Variants in SLC14A1 observed in about 807,000 individuals in gnomAD.
SLC14A1 encodes the protein urea transporter 1.
A neutral mutation model predicts 39.6 loss-of-function variants in SLC14A1; 36 were observed. That is an observed-to-expected ratio of 0.91 (90% CI 0.70 to 1.20). The LOEUF is 1.20. Among genes scored for constraint, SLC14A1 ranks in the 50% most tolerant of loss-of-function variants. The pLI, the probability that SLC14A1 is intolerant of heterozygous loss-of-function variation, is 0.00. For synonymous variants in SLC14A1, 164 were observed against 173.6 expected, an observed-to-expected ratio of 0.94 and a Z score of 0.43; for missense variants, 469 against 478.7, an observed-to-expected ratio of 0.98 and a Z score of 0.19.
intron 2 of SLC14A1, chr18:45,727,020 C>T (rs1285206417): frequency 1.7e-5 from 7 of 423,060 alleles, no homozygotes; most frequent in Non-Finnish European, 3.0e-5. Context: ...TTTTTTTAAG[C>T]AAAGTAAATG....
In SLC14A1 at chr18:45,751,595, T is replaced by C. The variant is rs1056526835; in HGVS notation, c.*1644T>C. The C allele has an allele frequency of 2.1e-5, 16 of 756,388 alleles. No homozygotes were observed. The highest frequency in any genetic ancestry group is 2.1e-5 in the Non-Finnish European group (13 of 621,882). The allele number at this position is 756,388 out of a possible 1,614,324, so 46.9% of individuals were successfully genotyped here. ...GAGTTCAAGACCAGCTTGGGCAACA[T>C]AGCAAGACTCCATCTCTTAAAAAAT... On this transcript the variant is annotated 3_prime_UTR_variant, in exon 10 of 10. Transcript: ENST00000321925.
intron 5 of SLC14A1, among the ~76,000 whole-genome samples, chr18:45,734,613 GT>G: frequency 6.6e-6 from 1 of 152,178 alleles, no homozygotes; most frequent in East Asian, 1.9e-4. Context: ...GGTGGTTCTT[GT>G]TTGTAGTCCA....
intron 8 of SLC14A1, among the ~76,000 whole-genome samples, chr18:45,741,644 A>G (rs1222035991): frequency 1.3e-5 from 2 of 152,222 alleles, no homozygotes; most frequent in Non-Finnish European, 2.9e-5. Context: ...TTACTCAGCT[A>G]TTTCACCTAG....
At chr18:45,748,341 A>G in intron 8 of SLC14A1, 35 bp from the exon 9 acceptor site, 1 of 1,611,344 alleles carries the variant, frequency 6.2e-7, no homozygotes, top group Non-Finnish European at 8.5e-7. Flanking sequence ...TGCATCTACG[A>G]AGCATTGTTC....
chr18:45,742,166 A>G (rs2047394681), intron 8 of SLC14A1, among the ~76,000 whole-genome samples: 1 of 152,100 alleles, frequency 6.6e-6, no homozygotes, highest in African/African-American at 2.4e-5. Flanking sequence ...ACCTCCAGGA[A>G]GAAGGGGGCT....
chr18:45,750,728 C>CCTATT lies in SLC14A1; in HGVS notation c.*777_*778insCTATT. 2 of 984,896 alleles carry CCTATT rather than the reference C, an allele frequency of 2.0e-6. No homozygotes were observed. The highest frequency in any genetic ancestry group is 4.7e-5 in the South Asian group (1 of 21,276). The allele number at this position is 984,896 out of a possible 1,614,324, so 61.0% of individuals were successfully genotyped here. On this transcript the variant is annotated 3_prime_UTR_variant, in exon 10 of 10. Coordinates refer to ENST00000321925, the MANE Select transcript of SLC14A1 (RefSeq NM_015865.7). The stretch of plus-strand genomic sequence containing the variant: ...GAGATAAAATAGGAGAAGTTCCTGG[C>CCTATT]TTAACCTGTTCTTACATATTAAAGA...
intron 8 of SLC14A1, among the ~76,000 whole-genome samples, chr18:45,741,733 G>A (rs554970698): frequency 6.6e-6 from 1 of 152,296 alleles, no homozygotes; most frequent in East Asian, 1.9e-4. Flanking sequence ...AGGTGCTGTA[G>A]CCACCTGAGT....
At position 45,730,371 on chromosome 18, in the gene SLC14A1, G is replaced by A. The variant is rs1346932044; in HGVS notation, c.51G>A (p.Arg17=). ...GAGTGGACAGCCCCACTATGGTTAG[G>A]GGTGAAAACCAGGTTTCGCCATGTC... ...MVRVDSPTMV[R]GENQVSPCQG... is the part of the protein sequence containing the mutation. The change falls in exon 3 of 10, where the codon AGG becomes AGA. Residue 17 remains arginine, a synonymous_variant. Coordinates refer to ENST00000321925, the MANE Select transcript of SLC14A1 (RefSeq NM_015865.7). The A allele has an allele frequency of 6.2e-7, 1 of 1,614,146 alleles. No homozygotes were observed. The highest frequency in any genetic ancestry group is 2.2e-5 in the East Asian group (1 of 44,876).
In SLC14A1 at chr18:45,750,068, G is replaced by A. The variant is rs987286335; in HGVS notation, c.*117G>A. ...CGAGTATCAACTTTCATACTGACGC[G>A]TCTGTAATCTGTTCTTATGCTCATT... On this transcript the variant is annotated 3_prime_UTR_variant, in exon 10 of 10. Transcript: ENST00000321925. 1.3e-5 allele frequency: 21 copies of A among 1,600,496 alleles called. No individual in the cohort carries two copies. Among genetic ancestry groups the A allele is most frequent in the African/African-American group, 1.1e-4 (8 of 74,658 alleles).
Position 45,749,891 on chromosome 18 carries a change from T to G in SLC14A1, c.1110T>G (p.Pro370=). Residue 370 remains proline, a synonymous_variant, in exon 10 of 10, where the codon CCT becomes CCG. Coordinates refer to ENST00000321925, the MANE Select transcript of SLC14A1 (RefSeq NM_015865.7). ...TGCCCCTCAGTAAAGTTACTTATCC[T>G]GAAGAAAACCGCATCTTCTACCTGC... ...YKMPLSKVTY[P]EENRIFYLQA... The G allele has an allele frequency of 6.2e-7, 1 of 1,614,152 alleles. No homozygotes were observed. Among genetic ancestry groups the G allele is most frequent in the African/African-American group, 1.3e-5 (1 of 75,040 alleles).
chr18:45,727,773 G>GC (rs2144737523), intron 2 of SLC14A1, among the ~76,000 whole-genome samples: 1 of 152,320 alleles, frequency 6.6e-6, no homozygotes, highest in East Asian at 1.9e-4. Flanking sequence ...GAAGGTCCTG[G>GC]CTGCATAGCC....
intron 4 of SLC14A1, among the ~76,000 whole-genome samples, chr18:45,733,873 A>C (rs151057003): frequency 3.3e-4 from 50 of 152,328 alleles, no homozygotes; most frequent in South Asian, 1.4e-3. Flanking sequence ...TTAGCTTCTC[A>C]TAAGAGTGCG....
intron 8 of SLC14A1, among the ~76,000 whole-genome samples, chr18:45,740,785 G>C (rs979940858): frequency 2.6e-5 from 4 of 152,082 alleles, no homozygotes; most frequent in African/African-American, 9.6e-5. Flanking sequence ...CAATCCTCCC[G>C]CCTCCACCTC....
chr18:45,748,171 G>A (rs1321299218), intron 8 of SLC14A1, among the ~76,000 whole-genome samples: 1 of 152,150 alleles, frequency 6.6e-6, no homozygotes, highest in Non-Finnish European at 1.5e-5. Context: ...CCATTGTACA[G>A]GTGAGGAAAT....
intron 3 of SLC14A1, 24 bp from the exon 4 acceptor site, chr18:45,730,991 T>A (rs1033567236): frequency 9.9e-6 from 16 of 1,612,824 alleles, no homozygotes; most frequent in Non-Finnish European, 1.3e-5. Context: ...CTTCCTTAGC[T>A]CTGCTTTACC....
chr18:45,726,837 T>C (rs2046877333), intron 2 of SLC14A1: 1 of 165,034 alleles, frequency 6.1e-6, no homozygotes. Context: ...GGGCAACCTG[T>C]TGCTTTGGTG....
intron 2 of SLC14A1, chr18:45,726,637 A>T (rs1012650035): frequency 5.9e-5 from 9 of 152,222 alleles, no homozygotes; most frequent in African/African-American, 2.4e-5. Context: ...TCTAAAAAAA[A>T]ATAAAATAAA....
At chr18:45,746,988 A>G (rs1198739122) in intron 8 of SLC14A1, 1 of 152,228 alleles carries the variant, frequency 6.6e-6, no homozygotes, top group Non-Finnish European at 1.5e-5. Flanking sequence ...AATTTGATAT[A>G]CTATTGAATA....
chr18:45,746,549 G>C (rs2047550154), intron 8 of SLC14A1, among the ~76,000 whole-genome samples: 2 of 152,224 alleles, frequency 1.3e-5, no homozygotes, highest in African/African-American at 2.4e-5. Flanking sequence ...CATGTGCTCA[G>C]GGGTGGTGTT....
Sources: allele counts gnomAD v4.1 joint callset (sites outside exome capture counted in the v4.1 genomes callset), GRCh38; gene constraint gnomAD v4.1.1; transcripts MANE v1.5; gene names NCBI Gene and HGNC (gene_info 2026-07-23, HGNC 2026-07-21).